Variants in ZDHHC14 observed in about 807,000 individuals in gnomAD.
ZDHHC14 encodes palmitoyltransferase ZDHHC14.
Under a neutral mutation model 47.7 loss-of-function variants are expected in ZDHHC14, and 16 were observed. That is an observed-to-expected ratio of 0.34 (90% CI 0.23 to 0.51). The LOEUF (loss-of-function observed/expected upper bound fraction) is 0.51. Among genes scored for constraint, ZDHHC14 ranks in the 20% least tolerant of loss-of-function variants. The pLI is 0.97. For missense variants in ZDHHC14, 515 were observed against 662.5 expected, an observed-to-expected ratio of 0.78 and a Z score of 2.44; for synonymous variants, 293 against 278.9, an observed-to-expected ratio of 1.05 and a Z score of -0.50.
In ZDHHC14 at chr6:157,381,870, G is replaced by A. The variant is rs1777217793; in HGVS notation, c.-152G>A. Reference sequence around the variant, plus strand: ...CGGAGGGTTAACCTGGGTGTCCTCGGCAAAGTTGTCGCCGAGCCGGGAGCC... The same window carrying A: ...CGGAGGGTTAACCTGGGTGTCCTCGACAAAGTTGTCGCCGAGCCGGGAGCC... On this transcript the variant is annotated 5_prime_UTR_variant, in exon 1 of 9. Coordinates refer to ENST00000359775, the MANE Select transcript of ZDHHC14 (RefSeq NM_024630.3). 1.6e-6 allele frequency: 1 copy of A among 617,978 alleles called. No individual in the cohort carries two copies. The highest frequency in any genetic ancestry group is 2.0e-6 in the Non-Finnish European group (1 of 497,582). The allele number at this position is 617,978 out of a possible 1,614,324, so 38.3% of individuals were successfully genotyped here. A position where few individuals can be genotyped will look rare whatever the true frequency, so the allele number is the denominator to read the frequency against.
intron 8 of ZDHHC14, among the ~76,000 whole-genome samples, chr6:157,653,956 C>G (rs1777964267): frequency 6.6e-6 from 1 of 152,190 alleles, no homozygotes. Flanking sequence ...CCAGGCAGGG[C>G]TGGGCTCATG....
chr6:157,557,897 T>C (rs1782541784), intron 2 of ZDHHC14, among the ~76,000 whole-genome samples: 2 of 152,246 alleles, frequency 1.3e-5, no homozygotes, highest in Admixed American at 1.3e-4. Flanking sequence ...GAATTTCCCC[T>C]GATTTCCAAT....
chr6:157,405,420 G>C (rs540189835), intron 1 of ZDHHC14, among the ~76,000 whole-genome samples: 120 of 152,262 alleles, frequency 7.9e-4, no homozygotes, highest in African/African-American at 2.7e-3. Flanking sequence ...TTTTAGTAGA[G>C]ACGGGGTTTC....
chr6:157,492,205 CG>C (rs1360565777), intron 1 of ZDHHC14, among the ~76,000 whole-genome samples: 19 of 124,096 alleles, frequency 1.5e-4, no homozygotes, highest in African/African-American at 5.1e-4. Context: ...CCTCCGCCCC[CG>C]CCCCCCAGCC....
intron 6 of ZDHHC14, 40 bp downstream of exon 6, chr6:157,645,879 G>A: frequency 6.3e-7 from 1 of 1,575,776 alleles, no homozygotes; most frequent in Middle Eastern, 1.7e-4. Context: ...GTGTTCTTGG[G>A]TTTTGGGCAA....
At chr6:157,445,970 A>C (rs112862281) in intron 1 of ZDHHC14, among the ~76,000 whole-genome samples, 3,784 of 152,288 alleles carry the variant, frequency 0.025, 167 homozygotes, top group African/African-American at 0.086. Flanking sequence ...CTGACCCAGA[A>C]GGGTGAGTCA....
chr6:157,669,708 A>G (rs1365672346), intron 8 of ZDHHC14, among the ~76,000 whole-genome samples: 1 of 152,216 alleles, frequency 6.6e-6, no homozygotes, highest in East Asian at 1.9e-4. Context: ...GTGGACAGAA[A>G]GCATTAGGAT....
Position 157,521,981 on chromosome 6 carries a change from C to T in ZDHHC14, c.246-20604C>T, listed in dbSNP as rs867715811. On this transcript the variant is annotated intron_variant, in intron 1 of 8. Coordinates refer to ENST00000359775, the MANE Select transcript of ZDHHC14 (RefSeq NM_024630.3). ...AGAAACATTTGAGACGGTCTCTTAT[C>T]CAAATAAACTGAAAAATTGCTAAGT... Among the ~76,000 whole-genome samples the T allele has an allele frequency of 3.9e-5, 6 of 152,034 alleles. No homozygotes were observed. The South Asian group carries it at 1.2e-3, about 32-fold the overall frequency.
intron 1 of ZDHHC14, among the ~76,000 whole-genome samples, chr6:157,478,675 G>T (rs1034365383): frequency 6.6e-6 from 1 of 152,170 alleles, no homozygotes; most frequent in African/African-American, 2.4e-5. Context: ...TCTAAACTCT[G>T]CTGTTTTCCT....
intron 1 of ZDHHC14, among the ~76,000 whole-genome samples, chr6:157,450,076 G>T (rs1778768770): frequency 6.6e-6 from 1 of 151,974 alleles, no homozygotes; most frequent in Non-Finnish European, 1.5e-5. Flanking sequence ...AATAAATATG[G>T]TGATTATTTA....
intron 1 of ZDHHC14, among the ~76,000 whole-genome samples, chr6:157,530,655 C>A (rs1228237632): frequency 6.6e-6 from 1 of 152,126 alleles, no homozygotes; most frequent in Non-Finnish European, 1.5e-5. Context: ...TCCTGAAATA[C>A]CTTTGTAGCC....
At chr6:157,425,888 T>C (rs936554751) in intron 1 of ZDHHC14, among the ~76,000 whole-genome samples, 1 of 152,200 alleles carries the variant, frequency 6.6e-6, no homozygotes, top group Non-Finnish European at 1.5e-5. Flanking sequence ...TCCTCTGTAA[T>C]GCTTGCTGCT....
At chr6:157,605,125 A>T (rs1276369190) in intron 3 of ZDHHC14, among the ~76,000 whole-genome samples, 1 of 152,252 alleles carries the variant, frequency 6.6e-6, no homozygotes, top group African/African-American at 2.4e-5. Context: ...GATAGTGAAT[A>T]ATAACCCATG....
rs190594768 is a variant in ZDHHC14, at chr6:157,636,475, C to A, written c.752+3593C>A. On this transcript the variant is annotated intron_variant, in intron 5 of 8. Transcript: ENST00000359775. ...TACCCCGAAGGCCCTTGCTGGCCCA[C>A]GCTGCTCACAGGGAGGCTGCCCATC... Among the ~76,000 whole-genome samples the A allele has an allele frequency of 9.5e-4, 144 of 152,238 alleles. No individual in the cohort carries two copies. The South Asian group carries it at 0.014, about 15-fold the overall frequency.
chr6:157,403,813 C>T (rs1233504401), intron 1 of ZDHHC14, among the ~76,000 whole-genome samples: 3 of 152,232 alleles, frequency 2.0e-5, no homozygotes, highest in East Asian at 1.9e-4. Flanking sequence ...TGTCAGGAAG[C>T]GTGAAAGGCA....
At chr6:157,628,557 G>A (rs1785531990) in intron 4 of ZDHHC14, 71 bp downstream of exon 4, 1 of 1,566,014 alleles carries the variant, frequency 6.4e-7, no homozygotes, top group African/African-American at 1.4e-5. Flanking sequence ...ATTTGATTTT[G>A]ATTTAATATT....
intron 1 of ZDHHC14, among the ~76,000 whole-genome samples, chr6:157,403,039 G>A (rs141404888): frequency 7.9e-5 from 12 of 152,316 alleles, no homozygotes; most frequent in Admixed American, 2.6e-4. Flanking sequence ...CCAGCCTGGC[G>A]ATATACCTTC....
intron 5 of ZDHHC14, among the ~76,000 whole-genome samples, chr6:157,638,432 C>A (rs1294837244): frequency 2.6e-5 from 4 of 152,144 alleles, no homozygotes; most frequent in Non-Finnish European, 2.9e-5. Flanking sequence ...GGAGCGGCTG[C>A]CCCGTACCAT....
At position 157,492,209 on chromosome 6, in the gene ZDHHC14, C is replaced by CCCCCCG. The variant is rs1490649594; in HGVS notation, c.246-50373_246-50372insCCGCCC. Among the ~76,000 whole-genome samples, 663 of 147,348 alleles carry CCCCCCG rather than the reference C, an allele frequency of 4.5e-3. 16 individuals carry two copies. Among genetic ancestry groups the CCCCCCG allele is most frequent in the African/African-American group, 0.015 (599 of 40,282 alleles). ...TCAACATCCCCCCTCCGCCCCCGCC[C>CCCCCCG]CCCAGCCACTGTAGTCTCCCTGTGC... On this transcript the variant is annotated intron_variant, in intron 1 of 8. Coordinates refer to ENST00000359775, the MANE Select transcript of ZDHHC14 (RefSeq NM_024630.3).
Sources: gnomAD v4.1 joint callset for allele counts (sites outside exome capture counted in the v4.1 genomes callset) on GRCh38, gnomAD v4.1.1 for gene constraint, MANE v1.5 for transcripts, NCBI Gene and HGNC (gene_info 2026-07-23, HGNC 2026-07-21) for gene names.